The following COX11 variants were observed in gnomAD, a reference collection of about 807,000 sequenced individuals.
The protein encoded by COX11 is cytochrome c oxidase copper chaperone COX11, also known as cytochrome c oxidase assembly protein COX11, mitochondrial.
Under a neutral mutation model 29.4 loss-of-function variants are expected in COX11, and 18 were observed. That is an observed-to-expected ratio of 0.61 (90% CI 0.42 to 0.91). COX11 has a LOEUF of 0.91. COX11 is among the 40% of genes least tolerant of loss of function. COX11 has a pLI of 0.00. For synonymous variants in COX11, 131 were observed against 124.0 expected, an observed-to-expected ratio of 1.06 and a Z score of -0.38; for missense variants, 312 against 346.0, an observed-to-expected ratio of 0.90 and a Z score of 0.78.
chr17:54,962,542 T>C lies in COX11; in HGVS notation c.*191A>G. 3 of 1,305,818 alleles carry C rather than the reference T, an allele frequency of 2.3e-6. No homozygotes were observed. The highest frequency in any genetic ancestry group is 1.9e-6 in the Non-Finnish European group (2 of 1,030,410). The allele number at this position is 1,305,818 out of a possible 1,614,324, so 80.9% of individuals were successfully genotyped here. A position where few individuals can be genotyped will look rare whatever the true frequency, so the allele number is the denominator to read the frequency against. ...TGAATAGTCAGTCATATATTCTAGC[T>C]AGGCATATGAGTTTCTTATGATAAA... is the stretch of plus-strand genomic sequence containing the variant. On this transcript the variant is annotated 3_prime_UTR_variant, in exon 4 of 4. Coordinates refer to ENST00000299335, the MANE Select transcript of COX11 (RefSeq NM_004375.5).
chr17:54,962,376 A>C lies in COX11; in HGVS notation c.*357T>G. Reference sequence around the variant, plus strand: ...AATAACCCTGAGCATACATTTTTGAAAAACATTGTCAGATTCATTGCTGTA... The same window carrying C: ...AATAACCCTGAGCATACATTTTTGACAAACATTGTCAGATTCATTGCTGTA... On this transcript the variant is annotated 3_prime_UTR_variant, in exon 4 of 4. Transcript: ENST00000299335. The C allele has an allele frequency of 1.0e-6, 1 of 993,918 alleles. No homozygotes were observed. The highest frequency in any genetic ancestry group is 1.2e-6 in the Non-Finnish European group (1 of 836,116). 61.6% of individuals were successfully genotyped at this position (993,918 alleles called of 1,614,324 possible). A position where few individuals can be genotyped will look rare whatever the true frequency, so the allele number is the denominator to read the frequency against.
chr17:54,956,956 A>C (rs1349409108), downstream of COX11: 1 of 152,234 alleles, frequency 6.6e-6, no homozygotes, highest in Non-Finnish European at 1.5e-5. Context: ...AAGCTATAGC[A>C]TCTCCCAGGG....
At chr17:54,955,389 G>T (rs1307428794), upstream of COX11, among the ~76,000 whole-genome samples, 1 of 152,140 alleles carries the variant, frequency 6.6e-6, no homozygotes, top group Non-Finnish European at 1.5e-5. Context: ...TGTAACCTTT[G>T]TATCACTGCA....
At chr17:54,968,680 G>A (rs1018416996), upstream of COX11, 8 of 1,586,228 alleles carry the variant, frequency 5.0e-6, no homozygotes, top group African/African-American at 1.1e-4. Context: ...CGCCTCTCAG[G>A]GACGAGAGGT....
At chr17:54,965,706 G>A (rs1169615782) in intron 1 of COX11, among the ~76,000 whole-genome samples, 2 of 152,068 alleles carry the variant, frequency 1.3e-5, no homozygotes, top group African/African-American at 4.8e-5. Context: ...ACACGCGCCT[G>A]TAGTCCCAGG....
chr17:54,966,567 C>A (rs2077219567), intron 1 of COX11, among the ~76,000 whole-genome samples: 2 of 152,098 alleles, frequency 1.3e-5, no homozygotes, highest in South Asian at 4.1e-4. Flanking sequence ...CCAGTAGCAC[C>A]CTATACCCCC....
intron 2 of COX11, among the ~76,000 whole-genome samples, chr17:54,963,813 T>TA (rs1309050414): frequency 6.6e-6 from 1 of 152,052 alleles, no homozygotes; most frequent in African/African-American, 2.4e-5. Context: ...TTTAAAAAGA[T>TA]ACCAACATTA....
chr17:54,957,929 T>C (rs938084710), downstream of COX11: 2 of 152,232 alleles, frequency 1.3e-5, no homozygotes, highest in Non-Finnish European at 2.9e-5. Context: ...ACAAAATTTG[T>C]GTTAATGTTA....
At chr17:54,958,748 A>AAAAAAAAAAGG (rs372776781), downstream of COX11, among the ~76,000 whole-genome samples, 24 of 118,952 alleles carry the variant, frequency 2.0e-4, no homozygotes, top group Admixed American at 3.7e-4. Context: ...AAAAAAAAAA[A>AAAAAAAAAAGG]GGGGTTGTTG....
At chr17:54,968,785 G>T (rs1598126504), upstream of COX11, 1 of 948,358 alleles carries the variant, frequency 1.1e-6, no homozygotes, top group Non-Finnish European at 1.6e-6. Context: ...GCTTGCAGTC[G>T]GGCTACGGAG....
At position 54,961,166 on chromosome 17, in the gene COX11, A is replaced by G. The variant is rs1373240629; in HGVS notation, c.*1567T>C. The G allele has an allele frequency of 2.6e-5, 28 of 1,076,620 alleles. No individual in the cohort carries two copies. The South Asian group carries it at 3.2e-4, about 12-fold the overall frequency. 66.7% of individuals were successfully genotyped at this position (1,076,620 alleles called of 1,614,324 possible). On this transcript the variant is annotated 3_prime_UTR_variant, in exon 4 of 4. Coordinates refer to ENST00000299335, the MANE Select transcript of COX11 (RefSeq NM_004375.5). ...TCTCCAGCTTCCCAGTAAAGACAAGAGAGTTATCAAGGAATGGGGAAAGAG... is the reference window on the plus strand; with the variant it reads ...TCTCCAGCTTCCCAGTAAAGACAAGGGAGTTATCAAGGAATGGGGAAAGAG...
chr17:54,963,171 TA>T, intron 3 of COX11, 134 bp downstream of exon 3: 12 of 985,126 alleles, frequency 1.2e-5, no homozygotes, highest in Non-Finnish European at 1.8e-5. Context: ...CAGGTATAGA[TA>T]GTGAAGAAAA....
In COX11 at chr17:54,962,407, G is replaced by A. The variant is rs571484790; in HGVS notation, c.*326C>T. On this transcript the variant is annotated 3_prime_UTR_variant, in exon 4 of 4. Transcript: ENST00000299335. ...TTGTCAGATTCATTGCTGTAAGTATGAAGAGTTAATAATCTGGAAGGGAAT... is the reference window on the plus strand; with the variant it reads ...TTGTCAGATTCATTGCTGTAAGTATAAAGAGTTAATAATCTGGAAGGGAAT... 40 of 1,006,494 alleles carry A rather than the reference G, an allele frequency of 4.0e-5. No individual in the cohort carries two copies. In the East Asian group the frequency reaches 3.7e-3, roughly 94 times the overall value. 62.3% of individuals were successfully genotyped at this position (1,006,494 alleles called of 1,614,324 possible).
rs776928633 is a variant in COX11, at chr17:54,963,431, C to T, written c.523G>A (p.Val175Met). 3.7e-6 allele frequency: 6 copies of T among 1,606,688 alleles called. No homozygotes were observed. The highest frequency in any genetic ancestry group is 1.3e-5 in the African/African-American group (1 of 74,638). The change falls in exon 3 of 4, where the codon GTG (valine) becomes ATG (methionine). Residue 175 changes from valine to methionine, a missense_variant and splice_region_variant. Transcript: ENST00000299335. Reference protein sequence around the residue: ...NFRPQQTEIYVVPGETALAFY... With the variant: ...NFRPQQTEIYMVPGETALAFY... ...GCCAGTGCAGTCTCTCCTGGCACCA[C>T]CTGTTTTAAAGAATATATATATTAT...
At chr17:54,964,970 T>TGGTAACTGACCATTGC in intron 1 of COX11, 118 bp from the exon 2 acceptor site, 1 of 918,836 alleles carries the variant, frequency 1.1e-6, no homozygotes, top group Non-Finnish European at 1.6e-6. Flanking sequence ...AGTTTACATA[T>TGGTAACTGACCATTGC]GGTAACTGAC....
chr17:54,968,487 C>T lies in COX11; in HGVS notation c.160G>A (p.Gly54Arg). 1.9e-6 allele frequency: 3 copies of T among 1,613,470 alleles called. No homozygotes were observed. The highest frequency in any genetic ancestry group is 1.7e-6 in the Non-Finnish European group (2 of 1,179,982). ...GGAERGLRWL[G>R]TWKRCSLRAR... ...CGAAGGCTGCAGCGCTTCCATGTCC[C>T]AAGCCACCTCAGTCCTCTCTCGGCA... Residue 54 changes from glycine to arginine, a missense_variant, in exon 1 of 4, where the codon GGG becomes AGG. By Grantham distance (125) the Gly-to-Arg change is moderately radical. This residue lies in a region of COX11 where 130 missense variants were observed against 106.0 expected (regional missense o/e 1.23). Transcript: ENST00000299335.
rs905758987 is a variant in COX11, at chr17:54,962,231, G to A, written c.*502C>T. 1.0e-6 allele frequency: 1 copy of A among 984,526 alleles called. No homozygotes were observed. Among genetic ancestry groups the A allele is most frequent in the South Asian group, 4.7e-5 (1 of 21,286 alleles). The allele number at this position is 984,526 out of a possible 1,614,324, so 61.0% of individuals were successfully genotyped here. ...TCTTTGGACAAGCTGTTAGGGCTTAGTGACTCCTCTTCTACTTTGAGCTTT... is the reference window on the plus strand; with the variant it reads ...TCTTTGGACAAGCTGTTAGGGCTTAATGACTCCTCTTCTACTTTGAGCTTT... On this transcript the variant is annotated 3_prime_UTR_variant, in exon 4 of 4. Transcript: ENST00000299335.
downstream of COX11, chr17:54,956,722 G>C (rs552215413): frequency 6.6e-6 from 1 of 152,190 alleles, no homozygotes; most frequent in East Asian, 1.9e-4. Context: ...TGGGATTATA[G>C]GCATGAGCCA....
chr17:54,956,306 G>A (rs1019373944), downstream of COX11, among the ~76,000 whole-genome samples: 1 of 151,904 alleles, frequency 6.6e-6, no homozygotes, highest in Non-Finnish European at 1.5e-5. Flanking sequence ...TACCATGCCT[G>A]GCTAATTTAA....
Sources: gnomAD v4.1 joint callset for allele counts (sites outside exome capture counted in the v4.1 genomes callset) on GRCh38, gnomAD v4.1.1 for gene constraint, gnomAD v4.1.1 regional missense constraint, MANE v1.5 for transcripts, NCBI Gene and HGNC (gene_info 2026-07-23, HGNC 2026-07-21) for gene names.